RBFOX1: variants seen among roughly 807,000 people sequenced by gnomAD.
RBFOX1 encodes RNA binding fox-1 homolog 1, also known as RNA binding protein fox-1 homolog 1.
A neutral mutation model predicts 57.7 loss-of-function variants in RBFOX1; 8 were observed. The observed-to-expected ratio is 0.14, with a 90% CI of 0.08 to 0.25. RBFOX1 has a LOEUF of 0.25. Ranked by LOEUF, RBFOX1 falls within the 10% of genes least tolerant of loss-of-function variation. The probability of loss-of-function intolerance (pLI) is 1.00; values close to 1 mark genes in which losing one functional copy is unlikely to be tolerated. For synonymous variants in RBFOX1, 326 were observed against 222.4 expected, an observed-to-expected ratio of 1.47 and a Z score of -4.15; for missense variants, 611 against 548.5, an observed-to-expected ratio of 1.11 and a Z score of -1.14.
At chr16:5,650,884 A>G (rs2151361025) in intron 3 of RBFOX1, among the ~76,000 whole-genome samples, 1 of 151,128 alleles carries the variant, frequency 6.6e-6, no homozygotes, top group Non-Finnish European at 1.5e-5. Flanking sequence ...AGACACAGGG[A>G]ACACCTTCCT....
chr16:6,005,778 C>A (rs908389493), intron 4 of RBFOX1, among the ~76,000 whole-genome samples: 1 of 152,098 alleles, frequency 6.6e-6, no homozygotes, highest in Non-Finnish European at 1.5e-5. Flanking sequence ...GCTGATTCAG[C>A]CAGGAGGAGT....
At chr16:5,757,907 C>A (rs1040449513) in intron 3 of RBFOX1, among the ~76,000 whole-genome samples, 4 of 152,160 alleles carry the variant, frequency 2.6e-5, no homozygotes, top group East Asian at 1.9e-4. Flanking sequence ...TAAATCTTTC[C>A]CCTTCACTAC....
chr16:6,559,997 C>G (rs887897746), intron 2 of RBFOX1, among the ~76,000 whole-genome samples: 1 of 152,138 alleles, frequency 6.6e-6, no homozygotes, highest in African/African-American at 2.4e-5. Flanking sequence ...CATTGTTCTT[C>G]AAGCCCATTG....
At chr16:6,872,187 C>T (rs903465700) in intron 3 of RBFOX1, among the ~76,000 whole-genome samples, 1 of 152,122 alleles carries the variant, frequency 6.6e-6, no homozygotes, top group Non-Finnish European at 1.5e-5. Flanking sequence ...GTCTTAGTCA[C>T]CAACTTGTGC....
At chr16:6,260,900 A>C (rs979806404) in intron 1 of RBFOX1, among the ~76,000 whole-genome samples, 1 of 152,192 alleles carries the variant, frequency 6.6e-6, no homozygotes, top group South Asian at 2.1e-4. Context: ...GAAAGAAAAA[A>C]AGAAAAGAAA....
chr16:5,916,956 C>CTGCTCGTCCTTTGA (rs1439224965), intron 4 of RBFOX1, among the ~76,000 whole-genome samples: 1 of 152,148 alleles, frequency 6.6e-6, no homozygotes, highest in Non-Finnish European at 1.5e-5. Context: ...GGTGTCTCCC[C>CTGCTCGTCCTTTGA]TGCCTTTGAT....
At chr16:7,353,590 C>T (rs1468478632) in intron 4 of RBFOX1, among the ~76,000 whole-genome samples, 3 of 152,124 alleles carry the variant, frequency 2.0e-5, no homozygotes, top group Non-Finnish European at 2.9e-5. Context: ...TGGATAAACA[C>T]GAGATGATAT....
chr16:6,497,651 G>C (rs2095808563), intron 2 of RBFOX1, among the ~76,000 whole-genome samples: 1 of 151,856 alleles, frequency 6.6e-6, no homozygotes, highest in African/African-American at 2.4e-5. Flanking sequence ...CTGCCTCCCA[G>C]GTTCAAGTGA....
At chr16:7,394,917 C>A (rs1323468735) in intron 4 of RBFOX1, among the ~76,000 whole-genome samples, 3 of 152,178 alleles carry the variant, frequency 2.0e-5, no homozygotes, top group Admixed American at 2.0e-4. Flanking sequence ...TCTGTGCATA[C>A]ATAAATAAGG....
intron 4 of RBFOX1, among the ~76,000 whole-genome samples, chr16:7,265,663 G>A (rs995250801): frequency 6.6e-6 from 1 of 152,114 alleles, no homozygotes; most frequent in Non-Finnish European, 1.5e-5. Flanking sequence ...TGGCCAGGCC[G>A]GTCTGAAACT....
intron 1 of RBFOX1, among the ~76,000 whole-genome samples, chr16:5,308,212 G>C (rs191861999): frequency 2.0e-5 from 3 of 151,988 alleles, no homozygotes; most frequent in African/African-American, 7.2e-5. Context: ...ATGGTGGCAG[G>C]CGCCTGTAAT....
At chr16:7,694,678 CAGTG>C (rs2078239476) in intron 14 of RBFOX1, among the ~76,000 whole-genome samples, 1 of 152,134 alleles carries the variant, frequency 6.6e-6, no homozygotes, top group Non-Finnish European at 1.5e-5. Context: ...TACTAATGCC[CAGTG>C]CTAGGTGCAA....
chr16:7,107,828 C>A (rs1012730527), intron 4 of RBFOX1, among the ~76,000 whole-genome samples: 2 of 152,120 alleles, frequency 1.3e-5, no homozygotes, highest in Non-Finnish European at 2.9e-5. Context: ...GGATCTTAAA[C>A]ATCTCTAACA....
intron 3 of RBFOX1, among the ~76,000 whole-genome samples, chr16:5,801,966 TGCTGGG>T (rs769508610): frequency 1.3e-5 from 2 of 152,186 alleles, no homozygotes; most frequent in African/African-American, 2.4e-5. Context: ...TGTGCTTTTC[TGCTGGG>T]GCCATCACTC....
chr16:7,435,086 A>T (rs1322088396), intron 4 of RBFOX1, among the ~76,000 whole-genome samples: 1 of 152,136 alleles, frequency 6.6e-6, no homozygotes, highest in Non-Finnish European at 1.5e-5. Context: ...TTGATACATT[A>T]TTGTTAACTA....
chr16:6,731,913 C>T (rs12932496), intron 3 of RBFOX1, among the ~76,000 whole-genome samples: 20,365 of 152,140 alleles, frequency 0.13, 1,489 homozygotes, highest in Middle Eastern at 0.21. Flanking sequence ...TTTTCTTGCA[C>T]AGCCAGTTAA....
At chr16:6,473,317 A>G (rs1252534201) in intron 2 of RBFOX1, among the ~76,000 whole-genome samples, 1 of 152,182 alleles carries the variant, frequency 6.6e-6, no homozygotes, top group Non-Finnish European at 1.5e-5. Flanking sequence ...TCAGACAGCA[A>G]GTGCTCAATT....
At chr16:6,789,761 GT>G (rs1284288458) in intron 3 of RBFOX1, among the ~76,000 whole-genome samples, 5 of 151,942 alleles carry the variant, frequency 3.3e-5, no homozygotes, top group Non-Finnish European at 5.9e-5. Context: ...TAGTCTCTTA[GT>G]TTTTTAAAAA....
chr16:5,787,180 G>A (rs2054531768), intron 3 of RBFOX1, among the ~76,000 whole-genome samples: 1 of 152,134 alleles, frequency 6.6e-6, no homozygotes, highest in Non-Finnish European at 1.5e-5. Context: ...TTCTTTTTGT[G>A]AAGAAGACTT....
Sources: gnomAD v4.1 joint callset for allele counts (sites outside exome capture counted in the v4.1 genomes callset) on GRCh38, gnomAD v4.1.1 for gene constraint, MANE v1.5 for transcripts, NCBI Gene and HGNC (gene_info 2026-07-23, HGNC 2026-07-21) for gene names.